The following ITGAL variants were observed in gnomAD, a reference collection of about 807,000 sequenced individuals.
The protein encoded by ITGAL is integrin alpha-L.
ITGAL carries 68 observed loss-of-function variants against 138.4 expected under a neutral mutation model. The observed-to-expected ratio is 0.49, with a 90% confidence interval of 0.40 to 0.60. ITGAL has a LOEUF of 0.60. Among genes scored for constraint, ITGAL ranks in the 20% least tolerant of loss-of-function variants. ITGAL has a pLI of 0.00. For missense variants in ITGAL, 1,256 were observed against 1,478.6 expected (o/e 0.85, Z 2.47); for synonymous variants, 561 against 584.3 (o/e 0.96, Z 0.57).
At chr16:30,510,496 C>T in intron 22 of ITGAL, 25 bp downstream of exon 22, 1 of 1,380,304 alleles carries the variant, frequency 7.2e-7, no homozygotes, top group Non-Finnish European at 1.0e-6. Context: ...TCTCCAGGGA[C>T]CAAGCAGCCT....
At chr16:30,487,462 T>C (rs35822450) in intron 9 of ITGAL, among the ~76,000 whole-genome samples, 49,755 of 151,842 alleles carry the variant, frequency 0.33, 9,289 homozygotes, top group East Asian at 0.61. Context: ...CAGGCTGGAG[T>C]GCAGTGGTGT....
intron 11 of ITGAL, among the ~76,000 whole-genome samples, chr16:30,493,901 A>G (rs2050761649): frequency 6.6e-6 from 1 of 150,580 alleles, no homozygotes; most frequent in Non-Finnish European, 1.5e-5. Flanking sequence ...CTAAAAAAGA[A>G]GAAAGAATGG....
intron 25 of ITGAL, among the ~76,000 whole-genome samples, chr16:30,516,560 A>T (rs760678652): frequency 4.6e-5 from 7 of 152,144 alleles, no homozygotes; most frequent in Admixed American, 3.9e-4. Context: ...TTGGAGGTGG[A>T]GTAAGAATGG....
At chr16:30,489,023 A>T (rs1422085538) in intron 9 of ITGAL, 59 bp from the exon 10 acceptor site, 16 of 1,448,936 alleles carry the variant, frequency 1.1e-5, no homozygotes, top group African/African-American at 2.8e-5. Context: ...CCTGCCATGA[A>T]TTTTTTTCAC....
rs1187355677 is a variant in ITGAL at position 30,523,016 on chromosome 16, G to A, written c.*1351G>A. 6.6e-6 allele frequency: 1 copy of A among 152,316 alleles called. No individual in the cohort carries two copies. The highest frequency in any genetic ancestry group is 2.4e-5 in the African/African-American group (1 of 41,462). The allele number at this position is 152,316 out of a possible 1,614,324, so 9.4% of individuals were successfully genotyped here. ...CCCACCCTTGGAGGCTGTCTTCTCA[G>A]GCTCTGCCCTGCCCTAGCTCCACAC... On this transcript the variant is annotated 3_prime_UTR_variant, in exon 31 of 31. Transcript: ENST00000356798.
chr16:30,496,658 TAGAGAC>T (rs2050805479), intron 15 of ITGAL, 92 bp downstream of exon 15: 3 of 1,222,596 alleles, frequency 2.5e-6, no homozygotes, highest in Non-Finnish European at 3.2e-6. Context: ...TGGTTTTTTT[TAGAGAC>T]AGGGTCTCTC....
intron 21 of ITGAL, among the ~76,000 whole-genome samples, chr16:30,507,435 G>A (rs961832996): frequency 6.6e-6 from 1 of 150,402 alleles, no homozygotes; most frequent in African/African-American, 2.5e-5. Flanking sequence ...ACTCCAACCT[G>A]GGCGACAGCG....
chr16:30,487,280 C>T (rs2050661413), intron 9 of ITGAL, among the ~76,000 whole-genome samples: 1 of 151,390 alleles, frequency 6.6e-6, no homozygotes, highest in Admixed American at 6.6e-5. Flanking sequence ...CCGGCCGAGA[C>T]AGAGTTTCTA....
Position 30,474,258 on chromosome 16 carries a change from G to C in ITGAL, c.124G>C (p.Gly42Arg). ...GARSFSPPRA[G>R]RHFGYRVLQV... ...GCGGAGCTTCTCCCCACCGCGCGCCGGGAGGCACTTTGGATACCGCGTCCT... is the reference window on the plus strand; with the variant it reads ...GCGGAGCTTCTCCCCACCGCGCGCCCGGAGGCACTTTGGATACCGCGTCCT... Residue 42 changes from glycine to arginine, a missense_variant, in exon 2 of 31, where the codon GGG becomes CGG. By Grantham distance (125) the Gly-to-Arg change is moderately radical (BLOSUM62 -2). Around this residue, in one of 3 missense-constraint regions of ITGAL, gnomAD observed 212 missense variants for 217.4 expected, o/e 0.98. Coordinates refer to ENST00000356798, the MANE Select transcript of ITGAL (RefSeq NM_002209.3). The C allele has an allele frequency of 1.9e-6, 3 of 1,609,546 alleles. No individual in the cohort carries two copies. The highest frequency in any genetic ancestry group is 3.4e-5 in the Admixed American group (2 of 59,392).
At chr16:30,516,736 T>C (rs1218598418) in intron 25 of ITGAL, among the ~76,000 whole-genome samples, 2 of 152,270 alleles carry the variant, frequency 1.3e-5, no homozygotes, top group South Asian at 4.1e-4. Context: ...GAGCAGGCCC[T>C]TGCAGGGTGT....
At position 30,496,169 on chromosome 16, in the gene ITGAL, A is replaced by G. The variant is rs750525373; in HGVS notation, c.1576A>G (p.Thr526Ala). ...YPLGRFGEAI[T>A]ALTDINGDGL... is the part of the protein sequence containing the mutation. Reference sequence around the variant, plus strand: ...ACTCGGGCGGTTTGGAGAAGCCATCACTGCTCTGACAGACATCAACGGCGA... The same window carrying G: ...ACTCGGGCGGTTTGGAGAAGCCATCGCTGCTCTGACAGACATCAACGGCGA... The change falls in exon 14 of 31, where the codon ACT becomes GCT. Residue 526 changes from threonine (T) to alanine (A), a missense_variant. Around this residue, in one of 3 missense-constraint regions of ITGAL, gnomAD observed 867 missense variants for 972.5 expected, o/e 0.89. Transcript: ENST00000356798. 47 of 1,613,966 alleles carry G rather than the reference A, an allele frequency of 2.9e-5. No individual in the cohort carries two copies. Among genetic ancestry groups the G allele is most frequent in the Non-Finnish European group, 3.3e-5 (39 of 1,180,022 alleles).
At chr16:30,512,369 T>C (rs1417455903) in intron 24 of ITGAL, among the ~76,000 whole-genome samples, 2 of 152,030 alleles carry the variant, frequency 1.3e-5, no homozygotes, top group African/African-American at 4.8e-5. Context: ...GGTGGATCAC[T>C]TGAGGTCAGT....
chr16:30,521,864 G>A lies in ITGAL; in HGVS notation c.*199G>A. The A allele has an allele frequency of 1.8e-6, 1 of 559,060 alleles. No homozygotes were observed. 34.6% of individuals were successfully genotyped at this position (559,060 alleles called of 1,614,324 possible). On this transcript the variant is annotated 3_prime_UTR_variant, in exon 31 of 31. Coordinates refer to ENST00000356798, the MANE Select transcript of ITGAL (RefSeq NM_002209.3). Reference sequence around the variant, plus strand: ...ATAGGGAAGACCTGCTGAGGGACCAGCCAAGAGGGCTGCAAAAGTGAGGGC... The same window carrying A: ...ATAGGGAAGACCTGCTGAGGGACCAACCAAGAGGGCTGCAAAAGTGAGGGC...
At chr16:30,485,287 C>CGCAGTCTCTGCTCACTGCAGTGCAGTGGT (rs1567467614) in intron 9 of ITGAL, among the ~76,000 whole-genome samples, 6 of 151,466 alleles carry the variant, frequency 4.0e-5, no homozygotes, top group Non-Finnish European at 8.8e-5. Context: ...AGTGCAGTGG[C>CGCAGTCTCTGCTCACTGCAGTGCAGTGGT]GCAGTCTCTG....
At chr16:30,515,520 C>T (rs1343152320) in intron 25 of ITGAL, among the ~76,000 whole-genome samples, 1 of 152,220 alleles carries the variant, frequency 6.6e-6, no homozygotes, top group Admixed American at 6.5e-5. Context: ...CTCAAGCCTT[C>T]CAGGCCCCAT....
At chr16:30,481,096 G>T (rs1294239048) in intron 6 of ITGAL, 1 of 254,206 alleles carries the variant, frequency 3.9e-6, no homozygotes, top group Non-Finnish European at 7.6e-6. Context: ...GAGGTGAGGA[G>T]TTCGAGACCA....
At chr16:30,499,733 A>ATACGTATATATATATATATATATT in intron 17 of ITGAL, among the ~76,000 whole-genome samples, 10 of 88,388 alleles carry the variant, frequency 1.1e-4, no homozygotes, top group African/African-American at 5.4e-4. Context: ...ATATATATAT[A>ATACGTATATATATATATATATATT]TTTTTTTTTT....
chr16:30,510,268 G>GC (rs1375780807), intron 21 of ITGAL, 93 bp from the exon 22 acceptor site: 1 of 746,768 alleles, frequency 1.3e-6, no homozygotes, highest in African/African-American at 1.7e-5. Context: ...CAGGGACAGA[G>GC]CCCCTGGGGG....
chr16:30,520,797 G>A (rs2051241438), intron 30 of ITGAL, among the ~76,000 whole-genome samples: 1 of 152,170 alleles, frequency 6.6e-6, no homozygotes, highest in South Asian at 2.1e-4. Context: ...AGACATTACA[G>A]ATGAAGGCCG....
Sources: allele counts gnomAD v4.1 joint callset (sites outside exome capture counted in the v4.1 genomes callset), GRCh38; gene constraint gnomAD v4.1.1; regional missense constraint gnomAD v4.1.1; transcripts MANE v1.5; gene names NCBI Gene and HGNC (gene_info 2026-07-23, HGNC 2026-07-21).